Variants in NSG1 observed in about 807,000 individuals in gnomAD.
NSG1 encodes neuronal vesicle trafficking associated 1.
In NSG1, 9 loss-of-function variants were observed where a neutral mutation model predicts 19.3. The observed-to-expected ratio is 0.47, with a 90% CI of 0.28 to 0.81. NSG1 has a LOEUF of 0.81. NSG1 is among the 40% of genes least tolerant of loss of function. The pLI is 0.11. For missense variants in NSG1, 236 were observed against 242.4 expected (o/e 0.97, Z 0.18); for synonymous variants, 104 against 107.0 (o/e 0.97, Z 0.17).
Position 4,387,821 on chromosome 4 carries a change from G to A in NSG1, c.129+63G>A, listed in dbSNP as rs539370412. ...CACCCCCAAATCTCGCACGGCGGGCGCAACAAAAGAAACGCGCCGCGTGCG... is the reference window on the plus strand; with the variant it reads ...CACCCCCAAATCTCGCACGGCGGGCACAACAAAAGAAACGCGCCGCGTGCG... On this transcript the variant is annotated intron_variant, in intron 2 of 4. Coordinates refer to ENST00000621129, the MANE Select transcript of NSG1 (RefSeq NM_014392.5). 6.0e-5 allele frequency: 86 copies of A among 1,424,806 alleles called. 2 individuals are homozygous for A. In the South Asian group the frequency reaches 9.2e-4, roughly 15 times the overall value. 88.3% of individuals were successfully genotyped at this position (1,424,806 alleles called of 1,614,324 possible). A position where few individuals can be genotyped will look rare whatever the true frequency, so the allele number is the denominator to read the frequency against.
At chr4:4,415,423 A>G (rs1175726138) in intron 4 of NSG1, among the ~76,000 whole-genome samples, 1 of 152,126 alleles carries the variant, frequency 6.6e-6, no homozygotes, top group Non-Finnish European at 1.5e-5. Flanking sequence ...CACACACCCC[A>G]CAGGTGAGGG....
rs193217379 is a variant in NSG1, at chr4:4,387,892, C to A, written c.129+134C>A. 5.2e-5 allele frequency: 39 copies of A among 748,480 alleles called. No individual in the cohort carries two copies. In the East Asian group the frequency reaches 1.0e-3, roughly 19 times the overall value. The allele number at this position is 748,480 out of a possible 1,614,324, so 46.4% of individuals were successfully genotyped here. On this transcript the variant is annotated intron_variant, in intron 2 of 4. Transcript: ENST00000621129. Reference sequence around the variant, plus strand: ...CGGGCTCGGGAGGCCGGAGGGAGCGCGGCGAGGACAGTGTACCCGCGCGGG... The same window carrying A: ...CGGGCTCGGGAGGCCGGAGGGAGCGAGGCGAGGACAGTGTACCCGCGCGGG...
At chr4:4,406,328 T>C (rs1006027599) in intron 3 of NSG1, among the ~76,000 whole-genome samples, 28 of 152,204 alleles carry the variant, frequency 1.8e-4, no homozygotes, top group African/African-American at 6.5e-4. Context: ...CGTCTGCCCC[T>C]GAAACCCTCT....
In NSG1 at chr4:4,387,655, C is replaced by T. The variant is rs1335906073; in HGVS notation, c.26C>T (p.Ala9Val). The change falls in exon 2 of 5, where the codon GCA (alanine) becomes GTA (valine). Residue 9 changes from alanine (A) to valine (V), a missense_variant. Physicochemically the swap from Ala to Val is moderately conservative, Grantham distance 64. Transcript: ENST00000621129. ...ATGGTGAAGTTGGGGAACAATTTCG[C>T]AGAGAAGGGCACCAAGCAGCCGCTG... MVKLGNNFAEKGTKQPLLE... is the reference protein window; with the variant it reads MVKLGNNFVEKGTKQPLLE... 7 of 1,613,430 alleles carry T rather than the reference C, an allele frequency of 4.3e-6. No individual in the cohort carries two copies. Among genetic ancestry groups the T allele is most frequent in the Non-Finnish European group, 5.1e-6 (6 of 1,179,718 alleles).
At chr4:4,399,879 G>T (rs566861019) in intron 3 of NSG1, among the ~76,000 whole-genome samples, 33 of 152,338 alleles carry the variant, frequency 2.2e-4, no homozygotes, top group African/African-American at 7.9e-4. Flanking sequence ...TAGGGTTCAT[G>T]CTCCTATGAG....
At chr4:4,414,646 T>C (rs1391259094) in intron 4 of NSG1, among the ~76,000 whole-genome samples, 1 of 152,192 alleles carries the variant, frequency 6.6e-6, no homozygotes, top group Non-Finnish European at 1.5e-5. Flanking sequence ...CCAGAAGCCC[T>C]TTGAGGTGGA....
intron 4 of NSG1, among the ~76,000 whole-genome samples, chr4:4,415,237 C>G (rs1724458504): frequency 6.6e-6 from 1 of 152,162 alleles, no homozygotes; most frequent in African/African-American, 2.4e-5. Flanking sequence ...CCAGTGCTGA[C>G]TGAGTGCTGG....
chr4:4,387,561 C>CGGGGGGG, intron 1 of NSG1, 43 bp from the exon 2 acceptor site: 60 of 1,141,866 alleles, frequency 5.3e-5, no homozygotes, highest in Middle Eastern at 2.5e-4. Flanking sequence ...CGCCCCGCCC[C>CGGGGGGG]GGGTCTTGCT....
At chr4:4,402,067 T>TG in intron 3 of NSG1, among the ~76,000 whole-genome samples, 1 of 105,358 alleles carries the variant, frequency 9.5e-6, no homozygotes, top group African/African-American at 3.2e-5. Flanking sequence ...TTTTTTTTTT[T>TG]TGGCAGAAAT....
At chr4:4,399,144 T>C (rs1449083321) in intron 3 of NSG1, among the ~76,000 whole-genome samples, 2 of 152,136 alleles carry the variant, frequency 1.3e-5, no homozygotes, top group Non-Finnish European at 2.9e-5. Context: ...GTTTGTGTTT[T>C]TATTGTTGTT....
chr4:4,397,081 G>T (rs1723294261), intron 3 of NSG1, among the ~76,000 whole-genome samples: 2 of 148,040 alleles, frequency 1.4e-5, no homozygotes, highest in Admixed American at 1.4e-4. Flanking sequence ...TTTTGTGTGG[G>T]TTACCTAAAA....
chr4:4,389,783 C>T (rs542383404), intron 2 of NSG1, among the ~76,000 whole-genome samples: 15 of 152,140 alleles, frequency 9.9e-5, no homozygotes, highest in Non-Finnish European at 1.6e-4. Flanking sequence ...TGGGGTGCAG[C>T]GGTGACAGCA....
rs948610601 is a variant in NSG1, at chr4:4,417,597, C to T, written c.*162C>T. The T allele has an allele frequency of 7.5e-6, 5 of 664,568 alleles. No homozygotes were observed. Among genetic ancestry groups the T allele is most frequent in the African/African-American group, 7.2e-5 (4 of 55,222 alleles). The allele number at this position is 664,568 out of a possible 1,614,324, so 41.2% of individuals were successfully genotyped here. A position where few individuals can be genotyped will look rare whatever the true frequency, so the allele number is the denominator to read the frequency against. ...TTTGCAAATAAAACTTGCTGCCGACCACCCACGGGCATAAAATCAAGTGCA... is the reference window on the plus strand; with the variant it reads ...TTTGCAAATAAAACTTGCTGCCGACTACCCACGGGCATAAAATCAAGTGCA... On this transcript the variant is annotated 3_prime_UTR_variant, in exon 5 of 5. Coordinates refer to ENST00000621129, the MANE Select transcript of NSG1 (RefSeq NM_014392.5).
rs532709952 is a variant in NSG1 at position 4,387,546 on chromosome 4, C to T, written c.-26-58C>T. On this transcript the variant is annotated intron_variant, in intron 1 of 4. Coordinates refer to ENST00000621129, the MANE Select transcript of NSG1 (RefSeq NM_014392.5). ...GCCGGTGGGTGTGGGTGCCCACTTC[C>T]CCCCCGCCCCGCCCCGGGTCTTGCT... 156 of 513,848 alleles carry T rather than the reference C, an allele frequency of 3.0e-4. 3 individuals are homozygous for T. Among genetic ancestry groups the T allele is most frequent in the African/African-American group, 7.1e-4 (36 of 50,568 alleles). The allele number at this position is 513,848 out of a possible 1,614,324, so 31.8% of individuals were successfully genotyped here. A position where few individuals can be genotyped will look rare whatever the true frequency, so the allele number is the denominator to read the frequency against.
intron 3 of NSG1, among the ~76,000 whole-genome samples, chr4:4,401,207 A>C (rs968606089): frequency 6.6e-6 from 1 of 152,170 alleles, no homozygotes; most frequent in Non-Finnish European, 1.5e-5. Flanking sequence ...GATAATGTAG[A>C]CCCTGCTGTA....
intron 3 of NSG1, among the ~76,000 whole-genome samples, chr4:4,407,706 A>C (rs1394844928): frequency 6.6e-6 from 1 of 152,108 alleles, no homozygotes; most frequent in East Asian, 1.9e-4. Context: ...AGCTGCAGTG[A>C]CTAGTGTGGC....
chr4:4,396,721 T>G lies in NSG1; in HGVS notation c.246+5130T>G, dbSNP rs547482118. ...CACATTCTCCAGTAAGCCCCTGGTG[T>G]GTTCCCTAATGACCTTGAGCTTCCT... On this transcript the variant is annotated intron_variant, in intron 3 of 4. Transcript: ENST00000621129. Among the ~76,000 whole-genome samples the G allele has an allele frequency of 2.4e-5, 3 of 125,916 alleles. No individual in the cohort carries two copies. In the East Asian group the frequency reaches 6.0e-4, roughly 25 times the overall value. The allele number at this position is 125,916 out of a possible 152,430, so 82.6% of individuals were successfully genotyped here. A position where few individuals can be genotyped will look rare whatever the true frequency, so the allele number is the denominator to read the frequency against.
intron 4 of NSG1, chr4:4,416,061 C>G (rs1255596217): frequency 2.8e-6 from 2 of 702,050 alleles, no homozygotes; most frequent in Non-Finnish European, 5.2e-6. Flanking sequence ...ACACTGTGAC[C>G]TGGGGCACAT....
At chr4:4,401,462 C>A (rs372365183) in intron 3 of NSG1, among the ~76,000 whole-genome samples, 316 of 152,256 alleles carry the variant, frequency 2.1e-3, no homozygotes, top group African/African-American at 7.0e-3. Flanking sequence ...TTTTTTGATG[C>A]TTCAGGCCCG....
Sources: allele counts gnomAD v4.1 joint callset (sites outside exome capture counted in the v4.1 genomes callset), GRCh38; gene constraint gnomAD v4.1.1; transcripts MANE v1.5; gene names NCBI Gene and HGNC (gene_info 2026-07-23, HGNC 2026-07-21).